The following PAIP1 variants were observed in gnomAD, a reference collection of about 807,000 sequenced individuals.
The protein encoded by PAIP1 is poly(A) binding protein interacting protein 1, also known as polyadenylate-binding protein-interacting protein 1.
PAIP1 carries 16 observed loss-of-function variants against 61.3 expected under a neutral mutation model. The observed-to-expected ratio is 0.26, with a 90% CI of 0.18 to 0.40. PAIP1 has a LOEUF of 0.40. PAIP1 is among the 10% of genes least tolerant of loss of function. PAIP1 has a pLI of 1.00. For synonymous variants in PAIP1, 187 were observed against 226.2 expected (o/e 0.83, Z 1.56); for missense variants, 416 against 600.9 (o/e 0.69, Z 3.22).
chr5:43,535,053 AT>A, intron 7 of PAIP1, 83 bp from the exon 8 acceptor site: 1 of 754,498 alleles, frequency 1.3e-6, no homozygotes, highest in Non-Finnish European at 2.3e-6. Context: ...CCAAAACTTT[AT>A]TTCCTTAATT....
At chr5:43,532,970 A>G (rs1403079785) in intron 9 of PAIP1, among the ~76,000 whole-genome samples, 1 of 152,194 alleles carries the variant, frequency 6.6e-6, no homozygotes, top group Non-Finnish European at 1.5e-5. Context: ...AGGAGCAGGA[A>G]CCCTCATGTG....
At chr5:43,541,669 C>T (rs1343887642) in intron 4 of PAIP1, among the ~76,000 whole-genome samples, 1 of 135,748 alleles carries the variant, frequency 7.4e-6, no homozygotes, top group African/African-American at 3.0e-5. Context: ...GAATGCTTTG[C>T]AATCATTAAA....
chr5:43,548,925 C>T (rs534885411), intron 2 of PAIP1, among the ~76,000 whole-genome samples: 3 of 152,288 alleles, frequency 2.0e-5, no homozygotes, highest in Admixed American at 6.5e-5. Context: ...CTTAGAAATG[C>T]TCCATGTTGG....
At chr5:43,541,228 C>T (rs1276779238) in intron 4 of PAIP1, among the ~76,000 whole-genome samples, 1 of 139,480 alleles carries the variant, frequency 7.2e-6, no homozygotes, top group Non-Finnish European at 1.5e-5. Flanking sequence ...GGGTTCACGC[C>T]ATTCTCCTGC....
chr5:43,536,640 G>A (rs1252626822), intron 6 of PAIP1, among the ~76,000 whole-genome samples, 179 bp downstream of exon 6: 1 of 152,114 alleles, frequency 6.6e-6, no homozygotes, highest in Admixed American at 6.5e-5. Context: ...TTCTGAACTT[G>A]CTTCATATAT....
chr5:43,528,386 C>T (rs558537084), intron 10 of PAIP1, among the ~76,000 whole-genome samples: 6 of 152,186 alleles, frequency 3.9e-5, no homozygotes, highest in Admixed American at 3.3e-4. Context: ...ACCCTACCAA[C>T]TGCTGATGAG....
chr5:43,535,948 G>C (rs902062333), intron 6 of PAIP1, among the ~76,000 whole-genome samples: 1 of 147,204 alleles, frequency 6.8e-6, no homozygotes, highest in African/African-American at 2.5e-5. Flanking sequence ...CACTTTTTTT[G>C]AAATATACAG....
At chr5:43,548,577 ATGT>A (rs1240160669) in intron 2 of PAIP1, among the ~76,000 whole-genome samples, 2 of 152,302 alleles carry the variant, frequency 1.3e-5, no homozygotes, top group East Asian at 1.9e-4. Flanking sequence ...TTTCCAGCTA[ATGT>A]TGTTTCCACC....
chr5:43,531,123 A>G (rs575730832), intron 9 of PAIP1, among the ~76,000 whole-genome samples: 13 of 152,272 alleles, frequency 8.5e-5, no homozygotes, highest in Admixed American at 5.9e-4. Flanking sequence ...CACTTTGTAG[A>G]AATTGGTGCC....
chr5:43,555,943 T>C lies in PAIP1; in HGVS notation c.322A>G (p.Asn108Asp). Reference protein sequence around the residue: ...PSSQDKIPQQNSESAMAKPQV... With the variant: ...PSSQDKIPQQDSESAMAKPQV... ...GGCTTAGCCATTGCTGACTCCGAGT[T>C]CTGCTGTGGGATTTTATCCTGTGAA... Residue 108 changes from asparagine (N) to aspartate (D), a missense_variant, in exon 2 of 11, where the codon AAC (asparagine) becomes GAC (aspartate). Asn to Asp is a conservative substitution (Grantham distance 23). Around this residue, in one of 4 missense-constraint regions of PAIP1, gnomAD observed 180 missense variants for 211.2 expected, o/e 0.85. Transcript: ENST00000306846. 6.2e-7 allele frequency: 1 copy of C among 1,614,100 alleles called. No homozygotes were observed. Among genetic ancestry groups the C allele is most frequent in the Middle Eastern group, 1.7e-4 (1 of 6,058 alleles).
At chr5:43,528,186 T>C (rs1422210607) in intron 10 of PAIP1, among the ~76,000 whole-genome samples, 1 of 152,228 alleles carries the variant, frequency 6.6e-6, no homozygotes, top group African/African-American at 2.4e-5. Context: ...CATCTTCATT[T>C]TGGAGATGGA....
rs1312678357 is a variant in PAIP1, at chr5:43,534,917, C to T, written c.1133G>A (p.Gly378Asp). 1.2e-6 allele frequency: 2 copies of T among 1,610,594 alleles called. No homozygotes were observed. Among genetic ancestry groups the T allele is most frequent in the African/African-American group, 1.3e-5 (1 of 74,852 alleles). ...KLVELRSSNW[G>D]RVHATSTYRE... ...ATATGTTGAAGTTGCATGGACTCTG[C>T]CCCAGTTACTTGACCGGAGTTCTAC... The change falls in exon 8 of 11, where the codon GGC becomes GAC. Residue 378 changes from glycine to aspartate, a missense_variant. Gly to Asp is a moderately conservative substitution (Grantham distance 94, BLOSUM62 -1). Coordinates refer to ENST00000306846, the MANE Select transcript of PAIP1 (RefSeq NM_006451.5).
Position 43,543,003 on chromosome 5 carries a change from C to T in PAIP1, c.734+1G>A. The T allele has an allele frequency of 2.0e-6, 3 of 1,466,938 alleles. No individual in the cohort carries two copies. The highest frequency in any genetic ancestry group is 2.9e-6 in the Non-Finnish European group (3 of 1,046,784). 90.9% of individuals were successfully genotyped at this position (1,466,938 alleles called of 1,614,324 possible). A position where few individuals can be genotyped will look rare whatever the true frequency, so the allele number is the denominator to read the frequency against. ...TCCTTTAATTTCACATTTACACTGA[C>T]CTTTGAAGTAGCAATTGGCGGAAGT... On this transcript the variant is annotated splice_donor_variant, in intron 4 of 10. Transcript: ENST00000306846. LOFTEE classifies it high-confidence loss of function.
At chr5:43,553,960 A>T (rs188440436) in intron 2 of PAIP1, among the ~76,000 whole-genome samples, 98 of 152,318 alleles carry the variant, frequency 6.4e-4, no homozygotes, top group African/African-American at 2.2e-3. Flanking sequence ...AAATAAAACA[A>T]CTTAAAGAAA....
intron 10 of PAIP1, among the ~76,000 whole-genome samples, chr5:43,527,972 T>C (rs1746773802): frequency 6.6e-6 from 1 of 152,224 alleles, no homozygotes; most frequent in African/African-American, 2.4e-5. Context: ...TTCCCATTTA[T>C]TTGGAATCAG....
chr5:43,550,368 A>G (rs1747813660), intron 2 of PAIP1, among the ~76,000 whole-genome samples: 1 of 132,832 alleles, frequency 7.5e-6, no homozygotes, highest in Non-Finnish European at 1.6e-5. Context: ...AATGAATTAC[A>G]TTTTAAATTT....
chr5:43,535,912 A>G (rs1389254693), intron 6 of PAIP1, among the ~76,000 whole-genome samples: 1 of 152,118 alleles, frequency 6.6e-6, no homozygotes, highest in Non-Finnish European at 1.5e-5. Context: ...TGACTAAGAT[A>G]GGCTATTAGA....
intron 2 of PAIP1, 113 bp from the exon 3 acceptor site, chr5:43,548,026 T>C (rs886112720): frequency 1.6e-6 from 1 of 617,638 alleles, no homozygotes. Context: ...TGATAAAAAT[T>C]TATGTTCATC....
chr5:43,538,794 A>G, intron 5 of PAIP1, 130 bp downstream of exon 5: 3 of 603,418 alleles, frequency 5.0e-6, no homozygotes, highest in Non-Finnish European at 9.0e-6. Context: ...GTGCCGAAAC[A>G]TGTTTTCTTT....
Sources: allele counts gnomAD v4.1 joint callset (sites outside exome capture counted in the v4.1 genomes callset), GRCh38; gene constraint gnomAD v4.1.1; regional missense constraint gnomAD v4.1.1; transcripts MANE v1.5; gene names NCBI Gene and HGNC (gene_info 2026-07-23, HGNC 2026-07-21).